Variants in TFB1M observed in about 807,000 individuals in gnomAD.
The protein encoded by TFB1M is dimethyladenosine transferase 1, mitochondrial.
Under a neutral mutation model 31.1 loss-of-function variants are expected in TFB1M, and 27 were observed. That is an observed-to-expected ratio of 0.87 (90% CI 0.64 to 1.20). TFB1M has a LOEUF of 1.20. Among genes scored for constraint, TFB1M ranks in the 50% most tolerant of loss-of-function variants. TFB1M has a pLI of 0.00. For missense variants in TFB1M, 394 were observed against 418.7 expected (o/e 0.94, Z 0.51); for synonymous variants, 166 against 151.8 (o/e 1.09, Z -0.69).
chr6:155,286,585 G>A (rs1405474848), intron 4 of TFB1M, among the ~76,000 whole-genome samples: 1 of 146,430 alleles, frequency 6.8e-6, no homozygotes, highest in African/African-American at 2.5e-5. Context: ...ATGTGTATAT[G>A]TATATGTGTG....
chr6:155,276,332 A>G (rs752133156), intron 5 of TFB1M: 1 of 1,613,640 alleles, frequency 6.2e-7, no homozygotes, highest in East Asian at 2.2e-5. Context: ...TATCTCTAAC[A>G]CACAGCTCGA....
At chr6:155,259,527 G>T (rs563698683) in intron 6 of TFB1M, among the ~76,000 whole-genome samples, 1 of 152,264 alleles carries the variant, frequency 6.6e-6, no homozygotes, top group South Asian at 2.1e-4. Context: ...TTGTGAAAGA[G>T]AGAATTACAA....
At chr6:155,306,658 A>C (rs1472570652) in intron 2 of TFB1M, among the ~76,000 whole-genome samples, 1 of 152,210 alleles carries the variant, frequency 6.6e-6, no homozygotes, top group East Asian at 1.9e-4. Context: ...CATTTATATA[A>C]AATTCTGAAA....
chr6:155,248,873 G>C, the TFB1M span, among the ~76,000 whole-genome samples: 1,851 of 152,284 alleles, frequency 0.012, 31 homozygotes, highest in Non-Finnish European at 0.015. Context: ...TGGGGAGAGA[G>C]AGGCTTATTA....
chr6:155,257,439 T>TAATA lies in TFB1M; in HGVS notation c.*393_*396dup, dbSNP rs1261378785. 1.7e-5 allele frequency: 6 copies of TAATA among 346,302 alleles called. No homozygotes were observed. Among genetic ancestry groups the TAATA allele is most frequent in the East Asian group, 6.8e-5 (1 of 14,678 alleles). The allele number at this position is 346,302 out of a possible 1,614,324, so 21.5% of individuals were successfully genotyped here. A position where few individuals can be genotyped will look rare whatever the true frequency, so the allele number is the denominator to read the frequency against. ...AAAGTAAGGCTGGGGAAGTCGTGATTAATAGTTTTCAAAGGGCCATTTTTT... is the reference window on the plus strand; with the variant it reads ...AAAGTAAGGCTGGGGAAGTCGTGATTAATAAATAGTTTTCAAAGGGCCATTTTTT... On this transcript the variant is annotated 3_prime_UTR_variant, in exon 7 of 7. Coordinates refer to ENST00000367166, the MANE Select transcript of TFB1M (RefSeq NM_016020.4).
intron 5 of TFB1M, chr6:155,276,104 G>A: frequency 1.2e-6 from 2 of 1,614,138 alleles, no homozygotes; most frequent in Non-Finnish European, 1.7e-6. Context: ...CATGTCTGCA[G>A]GAATCTCTAG....
At chr6:155,247,186 G>C in the TFB1M span, among the ~76,000 whole-genome samples, 1 of 152,228 alleles carries the variant, frequency 6.6e-6, no homozygotes, top group Non-Finnish European at 1.5e-5. Context: ...AAAAGACACT[G>C]CTTTCCAGAT....
intron 4 of TFB1M, 38 bp downstream of exon 4, chr6:155,296,915 A>C (rs1270299239): frequency 6.3e-7 from 1 of 1,589,594 alleles, no homozygotes; most frequent in Middle Eastern, 1.7e-4. Flanking sequence ...TTGGAATTTG[A>C]ACATGTGATA....
rs978305767 is a variant in TFB1M at position 155,265,717 on chromosome 6, A to T, written c.667-5317T>A. On this transcript the variant is annotated intron_variant, in intron 5 of 6. Transcript: ENST00000367166. ...TTAAATATAAATATTAAATATATTT[A>T]TATATAATATAAATATATATTATAT... 1.6e-4 allele frequency among the ~76,000 whole-genome samples: 23 copies of T among 146,150 alleles called. No homozygotes were observed. The East Asian group carries it at 4.1e-3, about 26-fold the overall frequency.
chr6:155,284,336 G>T (rs919797775), intron 5 of TFB1M, among the ~76,000 whole-genome samples: 1 of 152,136 alleles, frequency 6.6e-6, no homozygotes, highest in Non-Finnish European at 1.5e-5. Flanking sequence ...GATACATGAT[G>T]CAAGGGACAC....
chr6:155,262,862 A>T (rs1784452275), intron 5 of TFB1M, among the ~76,000 whole-genome samples: 2 of 152,356 alleles, frequency 1.3e-5, no homozygotes, highest in South Asian at 4.1e-4. Context: ...TGATTTAAAT[A>T]AAGTTTTAAA....
At chr6:155,240,754 T>C in the TFB1M span, 12 of 1,567,238 alleles carry the variant, frequency 7.7e-6, no homozygotes, top group Non-Finnish European at 1.0e-5. Flanking sequence ...TCTTTGATGA[T>C]GGCAAGTGGT....
At chr6:155,312,633 C>T (rs1406688631) in intron 1 of TFB1M, among the ~76,000 whole-genome samples, 1 of 152,090 alleles carries the variant, frequency 6.6e-6, no homozygotes, top group Admixed American at 6.6e-5. Context: ...AATCAATGAG[C>T]TTGGATTTCA....
the TFB1M span, among the ~76,000 whole-genome samples, chr6:155,235,456 C>T: frequency 6.6e-6 from 1 of 152,184 alleles, no homozygotes. Flanking sequence ...TATCCCAGCC[C>T]AGATAATCAC....
chr6:155,253,535 ATGCAGTGACC>A (rs999414648), downstream of TFB1M: 1 of 177,482 alleles, frequency 5.6e-6, no homozygotes, highest in African/African-American at 2.4e-5. Context: ...AGGCTGAGTC[ATGCAGTGACC>A]TGCTGGGCTT....
the TFB1M span, chr6:155,244,154 G>A: frequency 3.6e-5 from 49 of 1,350,362 alleles, no homozygotes; most frequent in Non-Finnish European, 5.2e-5. Context: ...GAACTCCTAT[G>A]AGAGTATCTC....
intron 5 of TFB1M, among the ~76,000 whole-genome samples, chr6:155,266,432 T>C (rs1449004989): frequency 1.3e-5 from 2 of 152,104 alleles, no homozygotes; most frequent in Admixed American, 6.5e-5. Flanking sequence ...TTAAATTCAC[T>C]AGAAGTGCAG....
intron 2 of TFB1M, among the ~76,000 whole-genome samples, chr6:155,304,966 GAA>G (rs1777602773): frequency 1.3e-5 from 2 of 149,282 alleles, no homozygotes; most frequent in African/African-American, 2.5e-5. Flanking sequence ...ATTCAATGAG[GAA>G]AAGACAGTAT....
intron 1 of TFB1M, among the ~76,000 whole-genome samples, chr6:155,312,571 C>CA (rs777939345): frequency 6.6e-6 from 1 of 152,142 alleles, no homozygotes; most frequent in Non-Finnish European, 1.5e-5. Context: ...TCTCTGCTCT[C>CA]AAACTTTTCA....
Sources: gnomAD v4.1 joint callset for allele counts (sites outside exome capture counted in the v4.1 genomes callset) on GRCh38, gnomAD v4.1.1 for gene constraint, MANE v1.5 for transcripts, NCBI Gene and HGNC (gene_info 2026-07-23, HGNC 2026-07-21) for gene names.